The following GPC5 variants were observed in gnomAD, a reference collection of about 807,000 sequenced individuals.
GPC5 encodes glypican 5, also known as glypican-5.
A neutral mutation model predicts 53.9 loss-of-function variants in GPC5; 47 were observed. The observed-to-expected ratio is 0.87, with a 90% CI of 0.69 to 1.11. GPC5 has a LOEUF of 1.11. Ranked by LOEUF, GPC5 falls within the 50% of genes most tolerant of loss-of-function variation. The pLI is 0.00. For synonymous variants in GPC5, 286 were observed against 263.3 expected (o/e 1.09, Z -0.84); for missense variants, 748 against 713.1 (o/e 1.05, Z -0.56).
intron 7 of GPC5, among the ~76,000 whole-genome samples, chr13:92,367,705 C>T (rs543172628): frequency 6.6e-5 from 10 of 152,206 alleles, no homozygotes; most frequent in African/African-American, 1.2e-4. Context: ...AATGATTTAA[C>T]GTGAAGAAGT....
intron 7 of GPC5, among the ~76,000 whole-genome samples, chr13:92,307,344 C>G (rs2043117634): frequency 6.6e-6 from 1 of 152,112 alleles, no homozygotes; most frequent in Non-Finnish European, 1.5e-5. Context: ...ATCCCAGCTA[C>G]TCGGGAGGCT....
At chr13:92,805,337 T>A (rs953509863) in intron 7 of GPC5, among the ~76,000 whole-genome samples, 1 of 152,092 alleles carries the variant, frequency 6.6e-6, no homozygotes, top group Non-Finnish European at 1.5e-5. Flanking sequence ...AGAATGGATA[T>A]TGCATTAGCA....
intron 6 of GPC5, among the ~76,000 whole-genome samples, chr13:92,142,810 G>T (rs756040695): frequency 6.6e-6 from 1 of 152,126 alleles, no homozygotes; most frequent in Non-Finnish European, 1.5e-5. Flanking sequence ...AAATAAAGTT[G>T]ATACGGGAAA....
At chr13:92,083,420 CAT>C (rs985958429) in intron 6 of GPC5, among the ~76,000 whole-genome samples, 3 of 151,828 alleles carry the variant, frequency 2.0e-5, no homozygotes, top group African/African-American at 7.3e-5. Context: ...AAGAAAAAAA[CAT>C]ATATAGAGTC....
At chr13:91,934,172 A>G (rs561412086) in intron 6 of GPC5, among the ~76,000 whole-genome samples, 71 of 152,084 alleles carry the variant, frequency 4.7e-4, no homozygotes, top group Non-Finnish European at 5.0e-4. Context: ...CAAAAGAAGA[A>G]AATTTTCTAG....
At chr13:92,403,423 G>T (rs1046694195) in intron 7 of GPC5, among the ~76,000 whole-genome samples, 1 of 152,194 alleles carries the variant, frequency 6.6e-6, no homozygotes, top group Non-Finnish European at 1.5e-5. Context: ...CAGCCAGCCA[G>T]CATTACCACC....
chr13:92,150,002 C>T (rs1435718505), intron 7 of GPC5, among the ~76,000 whole-genome samples: 2 of 151,698 alleles, frequency 1.3e-5, no homozygotes, highest in Non-Finnish European at 2.9e-5. Flanking sequence ...TAAAGTTTCA[C>T]CAAATTTAAT....
chr13:92,723,529 C>A (rs181634225), intron 7 of GPC5, among the ~76,000 whole-genome samples: 4 of 151,712 alleles, frequency 2.6e-5, no homozygotes, highest in South Asian at 4.1e-4. Flanking sequence ...ACCACTACAC[C>A]CCTTCTCATC....
At chr13:92,213,875 T>C (rs970680848) in intron 7 of GPC5, among the ~76,000 whole-genome samples, 8 of 152,210 alleles carry the variant, frequency 5.3e-5, no homozygotes, top group African/African-American at 1.9e-4. Flanking sequence ...TATTGTAAGA[T>C]TCTTATATAG....
rs2042878596 is a variant in GPC5, at chr13:92,276,764, A to AATAG, written c.1561+131778_1561+131781dup. On this transcript the variant is annotated intron_variant, in intron 7 of 7. Transcript: ENST00000377067. ...ACAATATCCTAAGATGCAATGATCC[A>AATAG]ATAGATGTATAATGACCTGCTATAG... Among the ~76,000 whole-genome samples, 3 of 152,132 alleles carry AATAG rather than the reference A, an allele frequency of 2.0e-5. No individual in the cohort carries two copies. In the South Asian group the frequency reaches 6.2e-4, roughly 31 times the overall value.
intron 7 of GPC5, among the ~76,000 whole-genome samples, chr13:92,298,171 G>A (rs1410916526): frequency 6.6e-6 from 1 of 152,078 alleles, no homozygotes; most frequent in African/African-American, 2.4e-5. Context: ...CTCCTGCCGT[G>A]CCCCCTCGCC....
chr13:92,662,781 A>T (rs546775401), intron 7 of GPC5, among the ~76,000 whole-genome samples: 1 of 152,142 alleles, frequency 6.6e-6, no homozygotes, highest in East Asian at 1.9e-4. Context: ...TTTAGTTTAC[A>T]CTCCAAAGTT....
intron 7 of GPC5, among the ~76,000 whole-genome samples, chr13:92,469,762 A>C (rs188674118): frequency 1.3e-5 from 2 of 152,126 alleles, no homozygotes; most frequent in Non-Finnish European, 2.9e-5. Context: ...GGTAAACAGC[A>C]AAAGGGGAAT....
chr13:92,473,706 C>T (rs1487644950), intron 7 of GPC5, among the ~76,000 whole-genome samples: 1 of 152,008 alleles, frequency 6.6e-6, no homozygotes, highest in Non-Finnish European at 1.5e-5. Context: ...GGATAGAAAT[C>T]TGCATTGGAA....
intron 7 of GPC5, among the ~76,000 whole-genome samples, chr13:92,719,198 A>C (rs1318128787): frequency 6.7e-6 from 1 of 150,316 alleles, no homozygotes; most frequent in African/African-American, 2.4e-5. Context: ...TTGTACCAAG[A>C]GGGTAAAGTA....
chr13:91,627,536 T>C (rs1406474099), intron 2 of GPC5, among the ~76,000 whole-genome samples: 1 of 152,092 alleles, frequency 6.6e-6, no homozygotes, highest in Non-Finnish European at 1.5e-5. Flanking sequence ...CTATTAGGAA[T>C]AGGAAAAGAT....
At chr13:91,916,573 A>G (rs1328507976) in intron 6 of GPC5, among the ~76,000 whole-genome samples, 1 of 152,230 alleles carries the variant, frequency 6.6e-6, no homozygotes, top group Non-Finnish European at 1.5e-5. Context: ...ATTTATTGAT[A>G]TACTACAATA....
chr13:92,755,330 G>A (rs1874812963), intron 7 of GPC5, among the ~76,000 whole-genome samples: 1 of 140,976 alleles, frequency 7.1e-6, no homozygotes, highest in Non-Finnish European at 1.5e-5. Flanking sequence ...ATTCAAAGCA[G>A]TGTGTAGAGG....
intron 7 of GPC5, among the ~76,000 whole-genome samples, chr13:92,455,121 A>G (rs1293328948): frequency 6.6e-6 from 1 of 152,162 alleles, no homozygotes; most frequent in Non-Finnish European, 1.5e-5. Context: ...AGTAGGCTGC[A>G]ATGTTACCAC....
Sources: allele counts gnomAD v4.1 joint callset (sites outside exome capture counted in the v4.1 genomes callset), GRCh38; gene constraint gnomAD v4.1.1; transcripts MANE v1.5; gene names NCBI Gene and HGNC (gene_info 2026-07-23, HGNC 2026-07-21).